Variants in GUCA1C observed in about 807,000 individuals in gnomAD.
GUCA1C encodes guanylate cyclase activator 1C.
In GUCA1C, 15 loss-of-function variants were observed where a neutral mutation model predicts 16.2. The observed-to-expected ratio is 0.93, with a 90% CI of 0.62 to 1.43. The LOEUF (loss-of-function observed/expected upper bound fraction) is 1.43. Among genes scored for constraint, GUCA1C ranks in the 40% most tolerant of loss-of-function variants. The pLI, the probability that GUCA1C is intolerant of heterozygous loss-of-function variation, is 0.00. For missense variants in GUCA1C, 275 were observed against 244.8 expected (o/e 1.12, Z -0.82); for synonymous variants, 78 against 85.4 (o/e 0.91, Z 0.48).
intron 1 of GUCA1C, among the ~76,000 whole-genome samples, chr3:108,942,367 A>G (rs1263026462): frequency 6.6e-6 from 1 of 152,220 alleles, no homozygotes; most frequent in East Asian, 1.9e-4. Flanking sequence ...CCTCTGCTGC[A>G]TCTTCTGATC....
intron 1 of GUCA1C, among the ~76,000 whole-genome samples, chr3:108,928,654 C>T (rs768550651): frequency 6.6e-6 from 1 of 152,090 alleles, no homozygotes; most frequent in Non-Finnish European, 1.5e-5. Context: ...TTTCTTTGCA[C>T]GTGGATGTTT....
chr3:108,928,051 G>A (rs1017541427), intron 1 of GUCA1C, among the ~76,000 whole-genome samples: 10 of 152,236 alleles, frequency 6.6e-5, no homozygotes, highest in African/African-American at 2.2e-4. Flanking sequence ...TCTGCAAAGA[G>A]TCTTGTGATC....
At chr3:108,912,748 TAGAC>T (rs1946469411) in intron 3 of GUCA1C, among the ~76,000 whole-genome samples, 1 of 151,706 alleles carries the variant, frequency 6.6e-6, no homozygotes, top group African/African-American at 2.4e-5. Flanking sequence ...TTTCTTCCTA[TAGAC>T]AGAATTGCAT....
At chr3:108,916,036 A>T in intron 3 of GUCA1C, 91 bp downstream of exon 3, 2 of 1,542,950 alleles carry the variant, frequency 1.3e-6, no homozygotes, top group South Asian at 2.4e-5. Flanking sequence ...GTTCTCTTGA[A>T]TGGTTCCTGC....
intron 1 of GUCA1C, among the ~76,000 whole-genome samples, chr3:108,948,902 C>A (rs1946869952): frequency 6.7e-6 from 1 of 150,186 alleles, no homozygotes; most frequent in South Asian, 2.1e-4. Flanking sequence ...GGCTGGAGTA[C>A]AAGGGCACGA....
chr3:108,907,981 A>G lies in GUCA1C; in HGVS notation c.*41T>C. 1 of 1,416,594 alleles carries G rather than the reference A, an allele frequency of 7.1e-7. No homozygotes were observed. Among genetic ancestry groups the G allele is most frequent in the Non-Finnish European group, 9.8e-7 (1 of 1,015,750 alleles). 87.8% of individuals were successfully genotyped at this position (1,416,594 alleles called of 1,614,324 possible). ...GAAGATTCTATTTCTTCTCTACTGA[A>G]ATGTTGTGCTCATTGATAGCTGGGA... On this transcript the variant is annotated 3_prime_UTR_variant, in exon 4 of 4. Coordinates refer to ENST00000261047, the MANE Select transcript of GUCA1C (RefSeq NM_005459.4).
intron 2 of GUCA1C, among the ~76,000 whole-genome samples, chr3:108,917,118 C>T (rs1290497636): frequency 6.6e-6 from 1 of 152,132 alleles, no homozygotes; most frequent in Non-Finnish European, 1.5e-5. Context: ...TGATGGATCT[C>T]ATGGTTAAAT....
intron 1 of GUCA1C, among the ~76,000 whole-genome samples, chr3:108,927,432 C>CTTTTTTTTTTTTTTTTTTTTT (rs55930777): frequency 7.8e-6 from 1 of 128,272 alleles, no homozygotes; most frequent in African/African-American, 3.0e-5. Context: ...TTTTTTAATT[C>CTTTTTTTTTTTTTTTTTTTTT]TTTTTTTTTT....
At chr3:108,953,898 A>T, upstream of GUCA1C, 1 of 626,206 alleles carries the variant, frequency 1.6e-6, no homozygotes, top group South Asian at 2.0e-5. Flanking sequence ...TACAGCAACA[A>T]GCTAAATAAG....
chr3:108,924,671 G>A (rs1191724915), intron 1 of GUCA1C, among the ~76,000 whole-genome samples: 1 of 152,076 alleles, frequency 6.6e-6, no homozygotes, highest in Non-Finnish European at 1.5e-5. Context: ...ATTTAGGGAG[G>A]ATTCCCTCTT....
intron 1 of GUCA1C, among the ~76,000 whole-genome samples, chr3:108,928,005 C>T (rs980622257): frequency 3.3e-5 from 5 of 152,210 alleles, no homozygotes; most frequent in Admixed American, 6.5e-5. Context: ...AGTCACCTAG[C>T]GGAGCTACTG....
chr3:108,926,177 T>G (rs1946621456), intron 1 of GUCA1C, among the ~76,000 whole-genome samples: 1 of 152,208 alleles, frequency 6.6e-6, no homozygotes, highest in South Asian at 2.1e-4. Context: ...TATTACTATA[T>G]ATTCCCCTTT....
At chr3:108,909,089 C>T (rs961458910) in intron 3 of GUCA1C, among the ~76,000 whole-genome samples, 3 of 152,198 alleles carry the variant, frequency 2.0e-5, no homozygotes, top group African/African-American at 7.2e-5. Flanking sequence ...AGGTGTTAGG[C>T]TGTACCTATA....
intron 1 of GUCA1C, among the ~76,000 whole-genome samples, chr3:108,931,976 G>A (rs145005851): frequency 6.8e-6 from 1 of 147,290 alleles, no homozygotes; most frequent in Non-Finnish European, 1.5e-5. Flanking sequence ...TCAGCCTCCC[G>A]AGTAACTGGG....
chr3:108,947,676 T>TA (rs1403116313), intron 1 of GUCA1C, among the ~76,000 whole-genome samples: 2 of 152,158 alleles, frequency 1.3e-5, no homozygotes, highest in African/African-American at 2.4e-5. Context: ...TTTTTTCTTT[T>TA]AAAAAATCCA....
intron 1 of GUCA1C, among the ~76,000 whole-genome samples, chr3:108,926,985 T>C (rs1410339494): frequency 6.6e-6 from 1 of 152,202 alleles, no homozygotes; most frequent in African/African-American, 2.4e-5. Context: ...CCTTCATTTA[T>C]GAAGCTCGGT....
At chr3:108,953,400 A>G (rs1013720955) in intron 1 of GUCA1C, among the ~76,000 whole-genome samples, 159 bp downstream of exon 1, 19 of 152,038 alleles carry the variant, frequency 1.2e-4, no homozygotes, top group African/African-American at 4.6e-4. Flanking sequence ...AAAAGTATTT[A>G]ATGACTCACT....
intron 1 of GUCA1C, among the ~76,000 whole-genome samples, chr3:108,949,951 A>G (rs1464220724): frequency 2.6e-5 from 4 of 152,308 alleles, no homozygotes; most frequent in African/African-American, 9.6e-5. Flanking sequence ...TTTATTAACC[A>G]TAGTCACCAT....
At chr3:108,940,110 A>G (rs1946770706) in intron 1 of GUCA1C, among the ~76,000 whole-genome samples, 2 of 152,258 alleles carry the variant, frequency 1.3e-5, no homozygotes, top group Admixed American at 1.3e-4. Context: ...TAAATTATGA[A>G]GTGCCAAACA....
Sources: allele counts gnomAD v4.1 joint callset (sites outside exome capture counted in the v4.1 genomes callset), GRCh38; gene constraint gnomAD v4.1.1; transcripts MANE v1.5; gene names NCBI Gene and HGNC (gene_info 2026-07-23, HGNC 2026-07-21).